The following MAMDC2 variants were observed in gnomAD, a reference collection of about 807,000 sequenced individuals.
MAMDC2 encodes the protein MAM domain-containing protein 2.
A neutral mutation model predicts 89.8 loss-of-function variants in MAMDC2; 57 were observed. The ratio of observed to expected loss-of-function variants is 0.63; its 90% CI spans 0.51 to 0.79. The LOEUF is 0.79. Ranked by LOEUF, MAMDC2 falls within the 30% of genes least tolerant of loss-of-function variation. MAMDC2 has a pLI of 0.00. For synonymous variants in MAMDC2, 313 were observed against 293.4 expected (o/e 1.07, Z -0.68); for missense variants, 800 against 820.6 (o/e 0.97, Z 0.31).
chr9:70,144,612 A>C lies in MAMDC2; in HGVS notation c.1404+793A>C, dbSNP rs1192212440. Among the ~76,000 whole-genome samples the C allele has an allele frequency of 2.6e-5, 4 of 152,244 alleles. No homozygotes were observed. The East Asian group carries it at 7.7e-4, about 29-fold the overall frequency. On this transcript the variant is annotated intron_variant, in intron 9 of 13. Coordinates refer to ENST00000377182, the MANE Select transcript of MAMDC2 (RefSeq NM_153267.5). ...GTCGTGTAAGAAAGGGTCCCAAAGA[A>C]AAATAAGAAAGTGCTATCCTTCAAA...
rs2033462081 is a variant in MAMDC2, at chr9:70,217,108, A to G, written c.1652-1229A>G. On this transcript the variant is annotated intron_variant, in intron 11 of 13. Transcript: ENST00000377182. ...AATTTAAAAATAGCAATAAAATAAA[A>G]TTAGAAAAGGAAATTGGAAAGGCAA... is the stretch of plus-strand genomic sequence containing the variant. 1.1e-5 allele frequency: 6 copies of G among 546,630 alleles called. No homozygotes were observed. In the South Asian group the frequency reaches 1.4e-4, roughly 13 times the overall value. 33.9% of individuals were successfully genotyped at this position (546,630 alleles called of 1,614,324 possible).
At chr9:70,182,128 A>G (rs1183685244) in intron 11 of MAMDC2, among the ~76,000 whole-genome samples, 2 of 152,032 alleles carry the variant, frequency 1.3e-5, no homozygotes, top group Non-Finnish European at 2.9e-5. Flanking sequence ...GGTTTTTGTC[A>G]TTGGTTCTGT....
At chr9:70,186,567 T>C (rs973409273) in intron 11 of MAMDC2, among the ~76,000 whole-genome samples, 1 of 152,224 alleles carries the variant, frequency 6.6e-6, no homozygotes, top group Non-Finnish European at 1.5e-5. Flanking sequence ...GAAAGTACTA[T>C]TTTCCTCTGG....
At chr9:70,049,679 G>A (rs1035838581) in intron 2 of MAMDC2, among the ~76,000 whole-genome samples, 2 of 152,126 alleles carry the variant, frequency 1.3e-5, no homozygotes, top group Non-Finnish European at 1.5e-5. Context: ...GCTGGAAATC[G>A]GCACAAGTCA....
chr9:70,185,830 A>T (rs1227507831), intron 11 of MAMDC2, among the ~76,000 whole-genome samples: 1 of 152,112 alleles, frequency 6.6e-6, no homozygotes, highest in African/African-American at 2.4e-5. Flanking sequence ...TGGGAGTGGG[A>T]CCCACTGAGT....
At chr9:70,172,175 C>G (rs1210179164) in intron 11 of MAMDC2, 1 of 152,216 alleles carries the variant, frequency 6.6e-6, no homozygotes, top group Admixed American at 6.5e-5. Context: ...TGTCAAAAGT[C>G]CAGTTCAAAT....
chr9:70,055,217 A>C (rs996459085), intron 2 of MAMDC2, among the ~76,000 whole-genome samples: 3 of 152,222 alleles, frequency 2.0e-5, no homozygotes, highest in Non-Finnish European at 4.4e-5. Context: ...ATAGCTTCCT[A>C]TGCAGCCCAG....
At chr9:70,188,672 C>A (rs925383752) in intron 11 of MAMDC2, 17 of 150,766 alleles carry the variant, frequency 1.1e-4, no homozygotes, top group African/African-American at 3.9e-4. Context: ...ATAGTATCCT[C>A]AGATAGAGGA....
chr9:70,126,441 G>A (rs2030555038), intron 6 of MAMDC2, 26 bp downstream of exon 6: 5 of 1,597,858 alleles, frequency 3.1e-6, no homozygotes, highest in Non-Finnish European at 4.3e-6. Flanking sequence ...CGCACCAGCT[G>A]TTCACTGGCA....
chr9:70,140,560 T>C (rs562254289), intron 8 of MAMDC2, among the ~76,000 whole-genome samples: 1 of 152,224 alleles, frequency 6.6e-6, no homozygotes, highest in South Asian at 2.1e-4. Context: ...GGAAAAAAAA[T>C]CTGTTGAATT....
chr9:70,181,808 CA>C (rs1241830874), intron 11 of MAMDC2, among the ~76,000 whole-genome samples: 6 of 152,138 alleles, frequency 3.9e-5, no homozygotes, highest in African/African-American at 1.4e-4. Flanking sequence ...CAAAAAGAGA[CA>C]ATTTGACTTC....
intron 11 of MAMDC2, among the ~76,000 whole-genome samples, chr9:70,176,514 T>C (rs1415383842): frequency 1.3e-5 from 2 of 152,230 alleles, no homozygotes; most frequent in Admixed American, 1.3e-4. Flanking sequence ...AACATTTATT[T>C]TGAGTGAATA....
chr9:70,146,275 G>A (rs1419758124), intron 9 of MAMDC2, among the ~76,000 whole-genome samples: 1 of 152,110 alleles, frequency 6.6e-6, no homozygotes, highest in Non-Finnish European at 1.5e-5. Flanking sequence ...ACCACTTAGG[G>A]AAAAATGGAT....
intron 11 of MAMDC2, chr9:70,175,956 A>C (rs2032486543): frequency 6.6e-6 from 1 of 152,196 alleles, no homozygotes; most frequent in Admixed American, 6.5e-5. Context: ...TTGTGACTTA[A>C]TTACCTCCTA....
At chr9:70,160,468 A>G (rs1233568208) in intron 9 of MAMDC2, among the ~76,000 whole-genome samples, 1 of 152,116 alleles carries the variant, frequency 6.6e-6, no homozygotes, top group Non-Finnish European at 1.5e-5. Context: ...TTCCACTTGC[A>G]TCTTCAACAT....
chr9:70,209,486 T>G (rs1419430703), intron 11 of MAMDC2, among the ~76,000 whole-genome samples: 1 of 152,214 alleles, frequency 6.6e-6, no homozygotes, highest in Non-Finnish European at 1.5e-5. Flanking sequence ...ATTCCCTTTA[T>G]CATTTTTTAT....
At chr9:70,217,721 AG>A in intron 11 of MAMDC2, 1 of 1,328,284 alleles carries the variant, frequency 7.5e-7, no homozygotes, top group South Asian at 1.3e-5. Context: ...AAAAAATTAC[AG>A]AGTATGTTTT....
At chr9:70,074,807 A>G (rs1233615188) in intron 2 of MAMDC2, among the ~76,000 whole-genome samples, 1 of 152,204 alleles carries the variant, frequency 6.6e-6, no homozygotes, top group African/African-American at 2.4e-5. Flanking sequence ...TATATTTAAT[A>G]CTGTTAACAG....
At chr9:70,103,977 G>A (rs959006208) in intron 2 of MAMDC2, among the ~76,000 whole-genome samples, 4 of 147,802 alleles carry the variant, frequency 2.7e-5, no homozygotes, top group African/African-American at 5.1e-5. Context: ...GCAAGACTCC[G>A]TCTCCATTTA....
Sources: gnomAD v4.1 joint callset for allele counts (sites outside exome capture counted in the v4.1 genomes callset) on GRCh38, gnomAD v4.1.1 for gene constraint, MANE v1.5 for transcripts, NCBI Gene and HGNC (gene_info 2026-07-23, HGNC 2026-07-21) for gene names.